MYO18A: variants seen among roughly 807,000 people sequenced by gnomAD.
The protein encoded by MYO18A is unconventional myosin-XVIIIa.
MYO18A carries 78 observed loss-of-function variants against 235.8 expected under a neutral mutation model. The ratio of observed to expected loss-of-function variants is 0.33; its 90% CI spans 0.28 to 0.40. The LOEUF (loss-of-function observed/expected upper bound fraction) is 0.40. MYO18A is among the 10% of genes least tolerant of loss of function. The pLI, the probability that MYO18A is intolerant of heterozygous loss-of-function variation, is 1.00. For synonymous variants in MYO18A, 977 were observed against 1,077.8 expected, an observed-to-expected ratio of 0.91 and a Z score of 1.83; for missense variants, 2,215 against 2,699.3, an observed-to-expected ratio of 0.82 and a Z score of 3.98.
At chr17:29,090,234 A>G (rs1598282960) in intron 36 of MYO18A, 136 bp from the exon 37 acceptor site, 1 of 1,046,120 alleles carries the variant, frequency 9.6e-7, no homozygotes, top group Non-Finnish European at 1.4e-6. Flanking sequence ...AAGAGAATGG[A>G]GCCCTGGGCC....
At chr17:29,142,564 C>T (rs1227382871) in intron 2 of MYO18A, among the ~76,000 whole-genome samples, 1 of 152,196 alleles carries the variant, frequency 6.6e-6, no homozygotes, top group East Asian at 1.9e-4. Flanking sequence ...ATGCAAATTC[C>T]AGGAACCCAA....
At chr17:29,130,299 C>CAAAAAAAAAAAAAAAA (rs564370108) in intron 2 of MYO18A, among the ~76,000 whole-genome samples, 8 of 55,934 alleles carry the variant, frequency 1.4e-4, no homozygotes, top group Non-Finnish European at 2.1e-4. Context: ...AACCCTGTCT[C>CAAAAAAAAAAAAAAAA]AAAAAAAAAA....
In MYO18A at chr17:29,132,014, G is replaced by A. The variant is rs551783252; in HGVS notation, c.1000-9761C>T. Among the ~76,000 whole-genome samples the A allele has an allele frequency of 1.3e-4, 20 of 152,350 alleles. No homozygotes were observed. The South Asian group carries it at 3.7e-3, about 28-fold the overall frequency. On this transcript the variant is annotated intron_variant, in intron 2 of 41. Transcript: ENST00000527372. ...AGATCTTGCTGGAGGCAGGGAGTGGGGCAGAGGCGGAGATTCAGGAGGCCA... is the reference window on the plus strand; with the variant it reads ...AGATCTTGCTGGAGGCAGGGAGTGGAGCAGAGGCGGAGATTCAGGAGGCCA...
chr17:29,169,809 C>T (rs562982247), intron 1 of MYO18A, among the ~76,000 whole-genome samples: 2 of 152,142 alleles, frequency 1.3e-5, no homozygotes, highest in South Asian at 2.1e-4. Context: ...GCCCAATTCT[C>T]GGTCTATAAT....
rs550062075 is a variant in MYO18A at position 29,180,011 on chromosome 17, C to G, written c.-82+302G>C. 1.4e-4 allele frequency among the ~76,000 whole-genome samples: 21 copies of G among 151,884 alleles called. No individual in the cohort carries two copies. The highest frequency in any genetic ancestry group is 4.8e-4 in the African/African-American group (20 of 41,482). ...ACCTGGGCGCCTCCAAGCCCCAAAT[C>G]CCCCCACACTGAAGGCCACCCTGTC... On this transcript the variant is annotated intron_variant, in intron 1 of 41. Transcript: ENST00000527372. The surrounding 1 kb of genome is among the most constrained non-coding windows in gnomAD (Gnocchi z 6.1).
rs529998598 is a variant in MYO18A, at chr17:29,158,074, G to A, written c.999+7868C>T. On this transcript the variant is annotated intron_variant, in intron 2 of 41. Coordinates refer to ENST00000527372, the MANE Select transcript of MYO18A (RefSeq NM_078471.4). The surrounding 1 kb of genome is among the most constrained non-coding windows in gnomAD (Gnocchi z 4.3). ...CTCCCAAAGTGCTGGGATTATAGAC[G>A]TGAGCCACTGTGCCCTGCCTTGGCT... 2.0e-4 allele frequency among the ~76,000 whole-genome samples: 31 copies of A among 152,268 alleles called. No individual in the cohort carries two copies. Among genetic ancestry groups the A allele is most frequent in the African/African-American group, 6.7e-4 (28 of 41,562 alleles).
intron 33 of MYO18A, among the ~76,000 whole-genome samples, 162 bp downstream of exon 33, chr17:29,092,693 C>T (rs532228025): frequency 3.9e-5 from 6 of 152,278 alleles, no homozygotes; most frequent in South Asian, 2.1e-4. Context: ...GTAAGGCACA[C>T]GCAGAGCCTG....
chr17:29,094,255 C>G, intron 30 of MYO18A, 165 bp from the exon 31 acceptor site: 1 of 622,040 alleles, frequency 1.6e-6, no homozygotes, highest in Non-Finnish European at 2.8e-6. Flanking sequence ...AGCAGCTGAA[C>G]TCCCTTACTA....
At chr17:29,175,067 G>A (rs2068493363) in intron 1 of MYO18A, among the ~76,000 whole-genome samples, 1 of 152,068 alleles carries the variant, frequency 6.6e-6, no homozygotes, top group Admixed American at 6.6e-5. Flanking sequence ...GGAGGAGACT[G>A]GAATTTTAGA....
chr17:29,145,681 A>G (rs2067832565), intron 2 of MYO18A, among the ~76,000 whole-genome samples: 1 of 152,212 alleles, frequency 6.6e-6, no homozygotes, highest in Non-Finnish European at 1.5e-5. Context: ...TGACTGAGTG[A>G]AAGAAGATAA....
Position 29,129,203 on chromosome 17 carries a change from C to T in MYO18A, c.1000-6950G>A. 9.5e-6 allele frequency: 9 copies of T among 946,902 alleles called. No homozygotes were observed. In the Admixed American group the frequency reaches 2.1e-4, roughly 22 times the overall value. 58.7% of individuals were successfully genotyped at this position (946,902 alleles called of 1,614,324 possible). A position where few individuals can be genotyped will look rare whatever the true frequency, so the allele number is the denominator to read the frequency against. ...TCACAGCGTCCCTCGTCTGCGGCCACTGTCTGCCCTTCATCTATGTTCTCA... is the reference window on the plus strand; with the variant it reads ...TCACAGCGTCCCTCGTCTGCGGCCATTGTCTGCCCTTCATCTATGTTCTCA... On this transcript the variant is annotated intron_variant, in intron 2 of 41. Coordinates refer to ENST00000527372, the MANE Select transcript of MYO18A (RefSeq NM_078471.4).
chr17:29,160,569 A>C (rs1387171160), intron 2 of MYO18A, among the ~76,000 whole-genome samples: 1 of 152,214 alleles, frequency 6.6e-6, no homozygotes, highest in East Asian at 1.9e-4. Flanking sequence ...GGTCAACTTC[A>C]TTAAATATTT....
In MYO18A at chr17:29,118,450, C is replaced by T. The variant is rs1469952661; in HGVS notation, c.1830-10G>A. The T allele has an allele frequency of 5.6e-6, 9 of 1,594,444 alleles. No homozygotes were observed. In the East Asian group the frequency reaches 1.8e-4, roughly 32 times the overall value. ...GAGGTGGAGCTCTGTCCTAGGGGTA[C>T]AAATAAGGCATCAGCACGGCACTTG... On this transcript the variant is annotated splice_polypyrimidine_tract_variant and intron_variant, in intron 8 of 41. Transcript: ENST00000527372. This position sits in a 1 kb window ranked among gnomAD's most constrained non-coding sequence, Gnocchi z 4.2.
intron 2 of MYO18A, among the ~76,000 whole-genome samples, chr17:29,148,776 C>G (rs561010677): frequency 2.8e-4 from 42 of 152,290 alleles, no homozygotes; most frequent in African/African-American, 8.4e-4. Flanking sequence ...GGGATGGTCT[C>G]AGAGAGGAGA....
rs377249402 is a variant in MYO18A at position 29,109,923 on chromosome 17, A to T, written c.3266T>A (p.Val1089Glu). The T allele has an allele frequency of 8.8e-6, 14 of 1,595,694 alleles. No individual in the cohort carries two copies. Among genetic ancestry groups the T allele is most frequent in the Non-Finnish European group, 1.0e-5 (12 of 1,171,534 alleles). Reference sequence around the variant, plus strand: ...GCGGAGCTGGGTGCGGAGCAGGGGCACGTCGAGCTGCAGGAGCCCAGCCTC... The same window carrying T: ...GCGGAGCTGGGTGCGGAGCAGGGGCTCGTCGAGCTGCAGGAGCCCAGCCTC... Reference protein sequence around the residue: ...HCEAGLLQLDVPLLRTQLRGS... With the variant: ...HCEAGLLQLDEPLLRTQLRGS... Residue 1089 changes from valine to glutamate, a missense_variant, in exon 19 of 42, where the codon GTG becomes GAG. By Grantham distance (121) the Val-to-Glu change is moderately radical. Transcript: ENST00000527372. This position sits in a 1 kb window ranked among gnomAD's most constrained non-coding sequence, Gnocchi z 4.1.
chr17:29,082,939 A>G (rs929531067), intron 40 of MYO18A, among the ~76,000 whole-genome samples: 14 of 152,002 alleles, frequency 9.2e-5, no homozygotes, highest in Non-Finnish European at 1.5e-4. Context: ...GCTTCGTAGG[A>G]TTTGGAGTTA....
intron 10 of MYO18A, among the ~76,000 whole-genome samples, chr17:29,116,860 A>G (rs1247174683): frequency 6.6e-6 from 1 of 151,616 alleles, no homozygotes; most frequent in East Asian, 1.9e-4. Flanking sequence ...GAGGAAAGCT[A>G]GGCTTGTCAC....
At chr17:29,154,818 CT>C (rs1425049293) in intron 2 of MYO18A, among the ~76,000 whole-genome samples, 1 of 152,222 alleles carries the variant, frequency 6.6e-6, no homozygotes, top group African/African-American at 2.4e-5. Flanking sequence ...GGGAGGAAAT[CT>C]TTTACTGCTC....
chr17:29,103,581 T>C lies in MYO18A; in HGVS notation c.3507+18A>G, dbSNP rs1371176921. 2.5e-6 allele frequency: 4 copies of C among 1,613,542 alleles called. No individual in the cohort carries two copies. The highest frequency in any genetic ancestry group is 3.4e-6 in the Non-Finnish European group (4 of 1,179,782). On this transcript the variant is annotated intron_variant, in intron 21 of 41. Transcript: ENST00000527372. Reference sequence around the variant, plus strand: ...CCCCTGGAGTGAGGCCCGACTGCCCTCCTGTGGGACAACTCACCCGGCTCA... The same window carrying C: ...CCCCTGGAGTGAGGCCCGACTGCCCCCCTGTGGGACAACTCACCCGGCTCA...
Sources: gnomAD v4.1 joint callset for allele counts (sites outside exome capture counted in the v4.1 genomes callset) on GRCh38, gnomAD v4.1.1 for gene constraint, Gnocchi (gnomAD v3.1) non-coding constraint, MANE v1.5 for transcripts, NCBI Gene and HGNC (gene_info 2026-07-23, HGNC 2026-07-21) for gene names.